ATP2C2: variants seen among roughly 807,000 people sequenced by gnomAD.
The protein encoded by ATP2C2 is ATPase secretory pathway Ca2+ transporting 2, also known as calcium-transporting ATPase type 2C member 2.
In ATP2C2, 171 loss-of-function variants were observed where a neutral mutation model predicts 110.8. The ratio of observed to expected loss-of-function variants is 1.54; its 90% CI spans 1.36 to 1.75. The LOEUF is 1.75. Ranked by LOEUF, ATP2C2 falls within the 40% of genes most tolerant of loss-of-function variation. ATP2C2 has a pLI of 0.00. For synonymous variants in ATP2C2, 804 were observed against 508.4 expected (o/e 1.58, Z -7.82); for missense variants, 1,963 against 1,235.0 (o/e 1.59, Z -8.84).
chr16:84,412,325 C>CGT (rs144297479), intron 6 of ATP2C2, among the ~76,000 whole-genome samples: 57,947 of 128,796 alleles, frequency 0.45, 11,167 homozygotes, highest in Middle Eastern at 0.51. Flanking sequence ...CGTGTGTGTG[C>CGT]GTGTGTGTCT....
chr16:84,454,274 G>A (rs1056323398), intron 20 of ATP2C2, among the ~76,000 whole-genome samples: 7 of 152,138 alleles, frequency 4.6e-5, no homozygotes, highest in African/African-American at 1.7e-4. Flanking sequence ...CCAATAAAGA[G>A]CTGATGTGAT....
intron 19 of ATP2C2, 21 bp from the exon 20 acceptor site, chr16:84,453,300 C>T (rs1910477397): frequency 3.1e-6 from 5 of 1,614,054 alleles, no homozygotes; most frequent in Non-Finnish European, 4.2e-6. Context: ...GATTCTTCGT[C>T]TTCCCCGTCT....
chr16:84,404,954 C>G (rs758950697), intron 2 of ATP2C2, 174 bp from the exon 3 acceptor site: 4 of 708,662 alleles, frequency 5.6e-6, no homozygotes, highest in Non-Finnish European at 1.0e-5. Flanking sequence ...CCTTTTCCTC[C>G]TCTCTCTGCC....
rs545500568 is a variant in ATP2C2, at chr16:84,405,928, C to A, written c.327+684C>A. On this transcript the variant is annotated intron_variant, in intron 3 of 26. Coordinates refer to ENST00000262429, the MANE Select transcript of ATP2C2 (RefSeq NM_014861.4). Reference sequence around the variant, plus strand: ...GAGTGAGACCTTGTCTCCACAACAACAACAAAACCAAAGTGAATTTCAGAT... The same window carrying A: ...GAGTGAGACCTTGTCTCCACAACAAAAACAAAACCAAAGTGAATTTCAGAT... Among the ~76,000 whole-genome samples, 4 of 152,246 alleles carry A rather than the reference C, an allele frequency of 2.6e-5. No homozygotes were observed. The South Asian group carries it at 6.2e-4, about 24-fold the overall frequency.
At chr16:84,438,256 G>A (rs373950) in intron 11 of ATP2C2, among the ~76,000 whole-genome samples, 126,065 of 152,170 alleles carry the variant, frequency 0.83, 52,314 homozygotes, top group East Asian at 0.95. Context: ...CCCAGCTTCA[G>A]CAGTGGCCCA....
intron 9 of ATP2C2, 74 bp downstream of exon 9, chr16:84,422,771 C>A (rs953161981): frequency 7.0e-7 from 1 of 1,431,156 alleles, no homozygotes. Context: ...TAATACCAGC[C>A]TTGCCTACTC....
intron 11 of ATP2C2, among the ~76,000 whole-genome samples, chr16:84,433,731 A>G (rs1292267874): frequency 6.6e-6 from 1 of 152,078 alleles, no homozygotes; most frequent in Non-Finnish European, 1.5e-5. Flanking sequence ...GGTGCATCCA[A>G]TCCCTGTCTT....
At chr16:84,453,498 A>C (rs534826955) in intron 20 of ATP2C2, 127 bp downstream of exon 20, 2 of 1,282,044 alleles carry the variant, frequency 1.6e-6, no homozygotes, top group Non-Finnish European at 2.3e-6. Flanking sequence ...CTCTAGGTCC[A>C]GGGCAGCTGC....
intron 1 of ATP2C2, among the ~76,000 whole-genome samples, chr16:84,372,067 C>T (rs1278365219): frequency 6.6e-6 from 1 of 152,114 alleles, no homozygotes; most frequent in African/African-American, 2.4e-5. Flanking sequence ...GAGTTCTAGA[C>T]AGAAGAGGTA....
intron 3 of ATP2C2, chr16:84,406,575 C>T: frequency 3.0e-6 from 3 of 985,492 alleles, no homozygotes; most frequent in Non-Finnish European, 3.6e-6. Flanking sequence ...GGTCCCCTCC[C>T]TGATCAAGGC....
intron 13 of ATP2C2, 23 bp downstream of exon 13, chr16:84,439,547 A>G: frequency 6.2e-7 from 1 of 1,607,000 alleles, no homozygotes; most frequent in Non-Finnish European, 8.5e-7. Context: ...GGAATTTACA[A>G]GCCTTAAGGA....
chr16:84,393,520 G>A (rs1232912909), intron 1 of ATP2C2, among the ~76,000 whole-genome samples: 1 of 152,152 alleles, frequency 6.6e-6, no homozygotes, highest in Non-Finnish European at 1.5e-5. Context: ...GAAGTCGGTT[G>A]AGAAGTGGAT....
chr16:84,413,579 C>T (rs535854262), intron 6 of ATP2C2, among the ~76,000 whole-genome samples: 5 of 152,130 alleles, frequency 3.3e-5, no homozygotes, highest in East Asian at 1.9e-4. Flanking sequence ...TTTGATGATC[C>T]GATCTTAAGC....
At chr16:84,431,486 ACT>A (rs1340172488) in intron 11 of ATP2C2, among the ~76,000 whole-genome samples, 1 of 151,920 alleles carries the variant, frequency 6.6e-6, no homozygotes, top group African/African-American at 2.4e-5. Flanking sequence ...ACAGAGCAAA[ACT>A]CTGTCTCAAG....
chr16:84,425,265 C>T (rs1349602280), intron 10 of ATP2C2, among the ~76,000 whole-genome samples: 1 of 152,154 alleles, frequency 6.6e-6, no homozygotes, highest in African/African-American at 2.4e-5. Flanking sequence ...AACTGGTGTG[C>T]AGTACGTATT....
chr16:84,388,612 G>A (rs1268812759), intron 1 of ATP2C2, among the ~76,000 whole-genome samples: 1 of 152,166 alleles, frequency 6.6e-6, no homozygotes, highest in Non-Finnish European at 1.5e-5. Context: ...GCCTGAGTGT[G>A]GCTTATTTGG....
intron 1 of ATP2C2, among the ~76,000 whole-genome samples, chr16:84,387,315 A>G (rs895146957): frequency 1.9e-4 from 29 of 152,158 alleles, no homozygotes; most frequent in Non-Finnish European, 4.0e-4. Flanking sequence ...TAAACTCAGG[A>G]ATTCAAGACC....
chr16:84,443,026 GGTT>G (rs1432730182), intron 15 of ATP2C2, among the ~76,000 whole-genome samples: 8 of 152,102 alleles, frequency 5.3e-5, no homozygotes, highest in Non-Finnish European at 1.2e-4. Context: ...GGCTGTGCAG[GGTT>G]GCCCCAGGCC....
intron 20 of ATP2C2, among the ~76,000 whole-genome samples, 166 bp downstream of exon 20, chr16:84,453,537 G>T (rs1239022881): frequency 6.6e-6 from 1 of 152,152 alleles, no homozygotes; most frequent in African/African-American, 2.4e-5. Flanking sequence ...ATAGCCAGGG[G>T]GAGGGGAGGA....
Sources: allele counts gnomAD v4.1 joint callset (sites outside exome capture counted in the v4.1 genomes callset), GRCh38; gene constraint gnomAD v4.1.1; transcripts MANE v1.5; gene names NCBI Gene and HGNC (gene_info 2026-07-23, HGNC 2026-07-21).